TPST2: variants seen among roughly 807,000 people sequenced by gnomAD.
TPST2 encodes tyrosylprotein sulfotransferase 2, also known as protein-tyrosine sulfotransferase 2.
A neutral mutation model predicts 27.8 loss-of-function variants in TPST2; 16 were observed. The observed-to-expected ratio is 0.58, with a 90% CI of 0.39 to 0.88. The LOEUF (loss-of-function observed/expected upper bound fraction) is 0.88, where lower values mean the gene tolerates loss of function less well. TPST2 is among the 40% of genes least tolerant of loss of function. The pLI is 0.00. For synonymous variants in TPST2, 229 were observed against 231.7 expected (o/e 0.99, Z 0.10); for missense variants, 464 against 543.1 (o/e 0.85, Z 1.45).
At chr22:26,540,156 G>A (rs1235645200) in intron 3 of TPST2, among the ~76,000 whole-genome samples, 1 of 152,212 alleles carries the variant, frequency 6.6e-6, no homozygotes, top group East Asian at 1.9e-4. Context: ...TACAGATGAA[G>A]CAATGGAAGC....
intron 1 of TPST2, among the ~76,000 whole-genome samples, chr22:26,587,921 CT>C (rs1456339170): frequency 1.3e-5 from 2 of 151,728 alleles, no homozygotes; most frequent in African/African-American, 2.4e-5. Flanking sequence ...AGTGGGACCC[CT>C]ATCTCTACAA....
chr22:26,582,497 T>C (rs1429493678), intron 1 of TPST2, among the ~76,000 whole-genome samples: 1 of 152,148 alleles, frequency 6.6e-6, no homozygotes, highest in Non-Finnish European at 1.5e-5. Flanking sequence ...AAGGGGATCA[T>C]ATGCATGTTA....
At chr22:26,575,767 G>GATCATGA (rs1310745459) in intron 1 of TPST2, among the ~76,000 whole-genome samples, 1 of 152,186 alleles carries the variant, frequency 6.6e-6, no homozygotes, top group Non-Finnish European at 1.5e-5. Context: ...AGGCCAAGGT[G>GATCATGA]GGCGGATCAT....
intron 1 of TPST2, among the ~76,000 whole-genome samples, chr22:26,546,547 C>T (rs1385646218): frequency 2.0e-5 from 3 of 152,266 alleles, no homozygotes; most frequent in African/African-American, 7.2e-5. Context: ...CCATCCCCCT[C>T]CAGGGAACAC....
intron 1 of TPST2, among the ~76,000 whole-genome samples, chr22:26,572,716 C>T (rs1292342849): frequency 1.3e-5 from 2 of 152,148 alleles, no homozygotes; most frequent in Admixed American, 6.5e-5. Flanking sequence ...GTTTGCCCTT[C>T]TGTTTCCCAT....
intron 2 of TPST2, among the ~76,000 whole-genome samples, chr22:26,542,009 C>T (rs1925876962): frequency 6.6e-6 from 1 of 152,116 alleles, no homozygotes; most frequent in South Asian, 2.1e-4. Context: ...CATGAGCCAC[C>T]CGGTCCAGCG....
At chr22:26,569,286 T>C (rs1375460365) in intron 1 of TPST2, among the ~76,000 whole-genome samples, 1 of 151,748 alleles carries the variant, frequency 6.6e-6, no homozygotes, top group Non-Finnish European at 1.5e-5. Context: ...TAGGGGGAGA[T>C]GTCAGGATGG....
chr22:26,533,813 T>C (rs1366285900), intron 4 of TPST2, among the ~76,000 whole-genome samples: 1 of 152,090 alleles, frequency 6.6e-6, no homozygotes, highest in Non-Finnish European at 1.5e-5. Flanking sequence ...TAGCTGGGAC[T>C]ATAGGCACGT....
chr22:26,530,766 T>C (rs1032029138), intron 5 of TPST2, among the ~76,000 whole-genome samples: 1 of 152,092 alleles, frequency 6.6e-6, no homozygotes, highest in African/African-American at 2.4e-5. Context: ...TCCCAGCATT[T>C]TGGGAGGCCG....
intron 1 of TPST2, among the ~76,000 whole-genome samples, chr22:26,574,643 C>A (rs8140831): frequency 0.021 from 3,141 of 152,250 alleles, 105 homozygotes; most frequent in African/African-American, 0.072. Context: ...TTCTCCTGGG[C>A]TCCCCTCATG....
Position 26,571,468 on chromosome 22 carries a change from CAT to C in TPST2, c.-161+18583_-161+18584del, listed in dbSNP as rs974702080. Among the ~76,000 whole-genome samples, 186 of 152,244 alleles carry C rather than the reference CAT, an allele frequency of 1.2e-3. 3 individuals carry two copies. Among genetic ancestry groups the C allele is most frequent in the Admixed American group, 0.012 (185 of 15,296 alleles). ...CAGCACTCACCACCTTCTAACACAT[CAT>C]ATGATTGACTTACATATTCTGCATT... On this transcript the variant is annotated intron_variant, in intron 1 of 6. Transcript: ENST00000338754.
At chr22:26,530,011 G>A (rs1925065465) in intron 5 of TPST2, among the ~76,000 whole-genome samples, 1 of 152,192 alleles carries the variant, frequency 6.6e-6, no homozygotes, top group Non-Finnish European at 1.5e-5. Context: ...CAGAATTAGT[G>A]AGCACTAATT....
At chr22:26,539,797 C>T (rs567054770) in intron 3 of TPST2, among the ~76,000 whole-genome samples, 7 of 152,088 alleles carry the variant, frequency 4.6e-5, no homozygotes, top group African/African-American at 1.4e-4. Context: ...ACAAGAAAAA[C>T]CCCAAAAAAC....
Position 26,532,221 on chromosome 22 carries a change from C to G in TPST2, c.1092+474G>C, listed in dbSNP as rs553397490. On this transcript the variant is annotated intron_variant, in intron 5 of 6. Transcript: ENST00000338754. ...GGCAGAAGGGCCACTGAGATGTGGC[C>G]CCAGCTGGATCAGTGCTTAGAGACC... Among the ~76,000 whole-genome samples, 28 of 152,328 alleles carry G rather than the reference C, an allele frequency of 1.8e-4. No homozygotes were observed. The South Asian group carries it at 4.8e-3, about 26-fold the overall frequency.
In TPST2 at chr22:26,541,721, G is replaced by T; in HGVS notation, c.-88-3C>A. On this transcript the variant is annotated splice_region_variant and splice_polypyrimidine_tract_variant and intron_variant, in intron 2 of 6. Transcript: ENST00000338754. This position sits in a 1 kb window ranked among gnomAD's most constrained non-coding sequence, Gnocchi z 5.9. ...CGGGCAGCCCGCCAGGCTCACATCT[G>T]GGGAGAGAGGGGGACATGCATAGTC... 1 of 1,456,994 alleles carries T rather than the reference G, an allele frequency of 6.9e-7. No individual in the cohort carries two copies. The highest frequency in any genetic ancestry group is 2.6e-5 in the Admixed American group (1 of 39,060). The allele number at this position is 1,456,994 out of a possible 1,614,324, so 90.3% of individuals were successfully genotyped here.
Position 26,561,146 on chromosome 22 carries a change from A to G in TPST2, c.-160-16471T>C, listed in dbSNP as rs552917284. 1.5e-4 allele frequency: 246 copies of G among 1,605,758 alleles called. 4 individuals carry two copies. In the South Asian group the frequency reaches 2.5e-3, roughly 16 times the overall value. The stretch of plus-strand genomic sequence containing the variant: ...AGGAAGATGAAGAAGATGAAGATGA[A>G]GAAGATGATGAATAAGTTGGTTCTA... On this transcript the variant is annotated intron_variant, in intron 1 of 6. Transcript: ENST00000338754.
intron 4 of TPST2, 188 bp downstream of exon 4, chr22:26,536,100 C>A (rs1220403523): frequency 2.4e-6 from 2 of 850,198 alleles, no homozygotes; most frequent in Non-Finnish European, 3.9e-6. Flanking sequence ...TGGCTTTGAG[C>A]TTCCCTGCAG....
chr22:26,564,800 C>T (rs1027118135), intron 1 of TPST2, among the ~76,000 whole-genome samples: 2 of 152,236 alleles, frequency 1.3e-5, no homozygotes, highest in East Asian at 1.9e-4. Flanking sequence ...TGCCCTTGAT[C>T]GAACACTGAG....
intron 1 of TPST2, among the ~76,000 whole-genome samples, chr22:26,587,910 T>C (rs1011286566): frequency 1.3e-5 from 2 of 151,824 alleles, no homozygotes; most frequent in African/African-American, 2.4e-5. Flanking sequence ...CTGGGCAACA[T>C]AGTGGGACCC....
Sources: gnomAD v4.1 joint callset for allele counts (sites outside exome capture counted in the v4.1 genomes callset) on GRCh38, gnomAD v4.1.1 for gene constraint, Gnocchi (gnomAD v3.1) non-coding constraint, MANE v1.5 for transcripts, NCBI Gene and HGNC (gene_info 2026-07-23, HGNC 2026-07-21) for gene names.